PLCG2: variants seen among roughly 807,000 people sequenced by gnomAD.
PLCG2 encodes 1-phosphatidylinositol 4,5-bisphosphate phosphodiesterase gamma-2.
Under a neutral mutation model 175.6 loss-of-function variants are expected in PLCG2, and 69 were observed. The ratio of observed to expected loss-of-function variants is 0.39; its 90% CI spans 0.32 to 0.48. The LOEUF (loss-of-function observed/expected upper bound fraction) is 0.48. Ranked by LOEUF, PLCG2 falls within the 20% of genes least tolerant of loss-of-function variation. The pLI, the probability that PLCG2 is intolerant of heterozygous loss-of-function variation, is 0.91. For missense variants in PLCG2, 1,798 were observed against 1,650.9 expected (o/e 1.09, Z -1.54); for synonymous variants, 827 against 624.0 (o/e 1.33, Z -4.85).
chr16:81,790,270 A>G (rs2143195167), intron 2 of PLCG2, among the ~76,000 whole-genome samples: 2 of 152,242 alleles, frequency 1.3e-5, no homozygotes, highest in Middle Eastern at 6.8e-3. Flanking sequence ...AGGGGTTTGG[A>G]CTGGAGGGGA....
intron 2 of PLCG2, among the ~76,000 whole-genome samples, chr16:81,826,027 G>A (rs1338578422): frequency 2.0e-5 from 3 of 152,104 alleles, no homozygotes; most frequent in Non-Finnish European, 2.9e-5. Context: ...GGTCGCACTG[G>A]GTATCTAGTA....
intron 16 of PLCG2, 135 bp from the exon 17 acceptor site, chr16:81,908,281 C>T (rs548063894): frequency 5.1e-5 from 38 of 744,050 alleles, no homozygotes; most frequent in Non-Finnish European, 7.7e-5. Flanking sequence ...CATACCCCTT[C>T]GGGTGGGGAC....
chr16:81,859,594 GCA>G (rs1220869034), intron 5 of PLCG2, among the ~76,000 whole-genome samples: 31 of 152,082 alleles, frequency 2.0e-4, no homozygotes, highest in African/African-American at 7.5e-4. Context: ...GAGTGCAGTG[GCA>G]TGATCTCAGC....
chr16:81,776,101 T>TTTTCTTTTTTTCTTTCTTTCTTTCTTTC (rs770091973), upstream of PLCG2, among the ~76,000 whole-genome samples: 31 of 55,348 alleles, frequency 5.6e-4, 6 homozygotes, highest in South Asian at 4.6e-3. Context: ...TTCTTTCTTT[T>TTTTCTTTTTTTCTTTCTTTCTTTCTTTC]TTTCCTTCTT....
chr16:81,955,852 C>T (rs1451053326), intron 31 of PLCG2, among the ~76,000 whole-genome samples: 1 of 152,226 alleles, frequency 6.6e-6, no homozygotes, highest in African/African-American at 2.4e-5. Flanking sequence ...ATGCCCATCT[C>T]TGCAAGATGT....
chr16:81,851,459 A>C (rs1032664366), intron 2 of PLCG2, among the ~76,000 whole-genome samples: 1 of 152,182 alleles, frequency 6.6e-6, no homozygotes, highest in Non-Finnish European at 1.5e-5. Flanking sequence ...CCGTACATGC[A>C]CAGGATGTAG....
At chr16:81,756,600 G>C (rs970920169) in intron 2 of PLCG2, among the ~76,000 whole-genome samples, 1 of 152,142 alleles carries the variant, frequency 6.6e-6, no homozygotes, top group African/African-American at 2.4e-5. Context: ...GCACAGAGGT[G>C]GTGGGGGAAA....
chr16:81,753,342 G>GTT lies in PLCG2; in HGVS notation c.-144-2505_-144-2504dup, dbSNP rs34438350. Among the ~76,000 whole-genome samples, 266 of 91,112 alleles carry GTT rather than the reference G, an allele frequency of 2.9e-3. 2 individuals carry two copies. Among genetic ancestry groups the GTT allele is most frequent in the African/African-American group, 6.5e-3 (156 of 23,836 alleles). 59.8% of individuals were successfully genotyped at this position (91,112 alleles called of 152,430 possible). A position where few individuals can be genotyped will look rare whatever the true frequency, so the allele number is the denominator to read the frequency against. On this transcript the variant is annotated intron_variant, in intron 1 of 5. Transcript: ENST00000565054. ...CAGCATTGTGTTAAAGTCCTGGCAG[G>GTT]TTTTTTTTTTTTTTTTTTTTTTTTG...
At chr16:81,911,232 C>CT (rs888697721) in intron 18 of PLCG2, among the ~76,000 whole-genome samples, 2 of 151,646 alleles carry the variant, frequency 1.3e-5, no homozygotes, top group East Asian at 1.9e-4. Flanking sequence ...CTTATAGCAA[C>CT]TTTTTTTTTC....
At chr16:81,921,390 A>AT (rs1235949049) in intron 21 of PLCG2, 121 bp downstream of exon 21, 1 of 730,582 alleles carries the variant, frequency 1.4e-6, no homozygotes, top group Non-Finnish European at 2.5e-6. Flanking sequence ...TGGCCAAAAT[A>AT]ATTTTTTTTT....
intron 7 of PLCG2, among the ~76,000 whole-genome samples, chr16:81,877,102 A>T (rs1238620072): frequency 6.6e-6 from 1 of 152,210 alleles, no homozygotes; most frequent in Non-Finnish European, 1.5e-5. Flanking sequence ...GCCCCAGCTC[A>T]TGGAGCCCAT....
intron 26 of PLCG2, chr16:81,935,388 C>T: frequency 4.1e-6 from 1 of 243,728 alleles, no homozygotes; most frequent in Non-Finnish European, 6.6e-6. Flanking sequence ...CATGCACAGG[C>T]TCCAGATATT....
chr16:81,786,263 A>G lies in PLCG2; in HGVS notation c.193+81A>G, dbSNP rs1597317669. On this transcript the variant is annotated intron_variant, in intron 2 of 32. Transcript: ENST00000564138. ...CACCTGTCCACCTTCCTGTCTTGTC[A>G]TTACTGTGATTGTTGTTGGTTTGAT... is the stretch of plus-strand genomic sequence containing the variant. The G allele has an allele frequency of 2.7e-6, 3 of 1,112,968 alleles. No homozygotes were observed. The East Asian group carries it at 7.5e-5, about 28-fold the overall frequency. 68.9% of individuals were successfully genotyped at this position (1,112,968 alleles called of 1,614,324 possible).
intron 11 of PLCG2, among the ~76,000 whole-genome samples, chr16:81,893,146 A>G (rs901585407): frequency 6.6e-6 from 1 of 152,208 alleles, no homozygotes; most frequent in Admixed American, 6.5e-5. Context: ...GGCATGAGCC[A>G]TCGTGCTTGG....
chr16:81,865,400 A>C (rs1201805544), intron 5 of PLCG2, among the ~76,000 whole-genome samples: 1 of 152,032 alleles, frequency 6.6e-6, no homozygotes, highest in Admixed American at 6.6e-5. Flanking sequence ...TCGCCTAGGG[A>C]GAAAGCGGGT....
intron 2 of PLCG2, among the ~76,000 whole-genome samples, chr16:81,764,299 A>G (rs1373608331): frequency 1.3e-5 from 2 of 152,136 alleles, no homozygotes; most frequent in Non-Finnish European, 2.9e-5. Context: ...CCTGTCTCAA[A>G]ATAAATAAAT....
chr16:81,956,338 C>T (rs1911567114), intron 31 of PLCG2, among the ~76,000 whole-genome samples: 1 of 152,120 alleles, frequency 6.6e-6, no homozygotes. Flanking sequence ...TTTAAGCGTG[C>T]AGCTGCTTAG....
intron 9 of PLCG2, among the ~76,000 whole-genome samples, chr16:81,883,884 G>T (rs530162200): frequency 7.9e-5 from 12 of 152,218 alleles, no homozygotes; most frequent in Non-Finnish European, 1.3e-4. Context: ...GTTGTGTTGC[G>T]CCTTGGTTTT....
intron 20 of PLCG2, among the ~76,000 whole-genome samples, chr16:81,920,756 G>C (rs1456543148): frequency 6.4e-3 from 1 of 156 alleles, no homozygotes; most frequent in Non-Finnish European, 0.013. Context: ...AGCGGGGTAG[G>C]GGGAAGGCAC....
Sources: allele counts gnomAD v4.1 joint callset (sites outside exome capture counted in the v4.1 genomes callset), GRCh38; gene constraint gnomAD v4.1.1; transcripts MANE v1.5; gene names NCBI Gene and HGNC (gene_info 2026-07-23, HGNC 2026-07-21).